The following CADM3 variants were observed in gnomAD, a reference collection of about 807,000 sequenced individuals.
CADM3 encodes TSLC1-like 1.
CADM3 carries 11 observed loss-of-function variants against 44.9 expected under a neutral mutation model. The observed-to-expected ratio is 0.25, with a 90% confidence interval of 0.15 to 0.41. The LOEUF (loss-of-function observed/expected upper bound fraction) is 0.41, where lower values mean the gene tolerates loss of function less well. CADM3 is among the 10% of genes least tolerant of loss of function. CADM3 has a pLI of 1.00. For missense variants in CADM3, 426 were observed against 512.0 expected (o/e 0.83, Z 1.62); for synonymous variants, 207 against 205.2 (o/e 1.01, Z -0.08).
intron 1 of CADM3, among the ~76,000 whole-genome samples, chr1:159,174,395 G>A (rs1648942090): frequency 6.6e-6 from 1 of 152,202 alleles, no homozygotes; most frequent in South Asian, 2.1e-4. Flanking sequence ...CCCCTAGGAA[G>A]AGAACTAGGC....
chr1:159,173,691 C>T (rs1382150232), intron 1 of CADM3, among the ~76,000 whole-genome samples: 2 of 152,152 alleles, frequency 1.3e-5, no homozygotes, highest in Non-Finnish European at 2.9e-5. Context: ...CCCTGGCCTT[C>T]CTAACCTGCT....
At chr1:159,192,225 C>G in intron 2 of CADM3, 149 bp downstream of exon 2, 1 of 841,098 alleles carries the variant, frequency 1.2e-6, no homozygotes, top group Non-Finnish European at 1.8e-6. Context: ...AGTTCCCCAA[C>G]TGGTTCCAGT....
intron 5 of CADM3, chr1:159,196,129 G>A: frequency 2.1e-6 from 1 of 487,752 alleles, no homozygotes; most frequent in Non-Finnish European, 3.7e-6. Context: ...ATCTCTTAGG[G>A]CCCACCAAGG....
rs1648815391 is a variant in CADM3 at position 159,171,811 on chromosome 1, G to C, written c.46G>C (p.Ala16Pro). 1 of 1,247,318 alleles carries C rather than the reference G, an allele frequency of 8.0e-7. No homozygotes were observed. Among genetic ancestry groups the C allele is most frequent in the Non-Finnish European group, 1.0e-6 (1 of 994,660 alleles). The allele number at this position is 1,247,318 out of a possible 1,614,324, so 77.3% of individuals were successfully genotyped here. The change falls in exon 1 of 9, where the codon GCC becomes CCC. Residue 16 changes from alanine (A) to proline (P), a missense_variant. Ala to Pro is a conservative substitution (Grantham distance 27). Around this residue, in one of 2 missense-constraint regions of CADM3, gnomAD observed 64 missense variants for 37.4 expected, o/e 1.71. Transcript: ENST00000368125. ...GCTCCTGCTCCTGCTCCTGCTGTTC[G>C]CCTGCTGCTGGGCGCCCGGCGGGGC... ...ASLLLLLLLFACCWAPGGANL... is the reference protein window; with the variant it reads ...ASLLLLLLLFPCCWAPGGANL...
intron 5 of CADM3, chr1:159,194,500 A>G (rs1157484090): frequency 1.3e-5 from 2 of 154,564 alleles, no homozygotes; most frequent in Non-Finnish European, 2.9e-5. Flanking sequence ...ACCACTTACT[A>G]GCTGTGTGAT....
chr1:159,190,901 A>C (rs965347663), intron 1 of CADM3, among the ~76,000 whole-genome samples: 1 of 152,252 alleles, frequency 6.6e-6, no homozygotes, highest in Non-Finnish European at 1.5e-5. Context: ...TTGTGGATGC[A>C]TTAGAATCAG....
At position 159,186,529 on chromosome 1, in the gene CADM3, G is replaced by T. The variant is rs150559475; in HGVS notation, c.89-5407G>T. ...CCCTTCCAGTCTGCATTCATTGAGA[G>T]AATTCATGCTGATGTCATAAATGAC... is the stretch of plus-strand genomic sequence containing the variant. On this transcript the variant is annotated intron_variant, in intron 1 of 8. Coordinates refer to ENST00000368125, the MANE Select transcript of CADM3 (RefSeq NM_001127173.3). 1.3e-4 allele frequency among the ~76,000 whole-genome samples: 20 copies of T among 152,260 alleles called. No individual in the cohort carries two copies. In the East Asian group the frequency reaches 3.3e-3, roughly 25 times the overall value.
intron 7 of CADM3, among the ~76,000 whole-genome samples, chr1:159,198,633 G>C (rs1218393552): frequency 6.6e-6 from 1 of 152,184 alleles, no homozygotes; most frequent in Non-Finnish European, 1.5e-5. Flanking sequence ...AGGAGTCAAT[G>C]AGGCATTAAG....
At chr1:159,195,275 T>A (rs368973472) in intron 5 of CADM3, 9 of 152,318 alleles carry the variant, frequency 5.9e-5, no homozygotes, top group African/African-American at 1.9e-4. Flanking sequence ...GCTGAGTTAT[T>A]GTGAGGATAA....
chr1:159,194,171 G>T lies in CADM3; in HGVS notation c.691+131G>T. ...ATAGGTAAAAAATGAAACAAAGACT[G>T]CCAGGACTAGGCCAGGGTTGGCAAA... On this transcript the variant is annotated intron_variant, in intron 5 of 8. Coordinates refer to ENST00000368125, the MANE Select transcript of CADM3 (RefSeq NM_001127173.3). The T allele has an allele frequency of 4.0e-6, 4 of 998,358 alleles. No homozygotes were observed. The South Asian group carries it at 7.1e-5, about 18-fold the overall frequency. 61.8% of individuals were successfully genotyped at this position (998,358 alleles called of 1,614,324 possible).
At chr1:159,173,065 G>A (rs900171878) in intron 1 of CADM3, among the ~76,000 whole-genome samples, 2 of 152,064 alleles carry the variant, frequency 1.3e-5, no homozygotes, top group African/African-American at 2.4e-5. Context: ...GAGGGAACAG[G>A]ACCTCTGTGG....
chr1:159,177,723 G>A (rs1649080094), intron 1 of CADM3, among the ~76,000 whole-genome samples: 1 of 152,150 alleles, frequency 6.6e-6, no homozygotes, highest in South Asian at 2.1e-4. Context: ...GGGAACAGAA[G>A]GGCAAGCAAT....
In CADM3 at chr1:159,201,199, A is replaced by C. The variant is rs1402833999; in HGVS notation, c.*277A>C. The C allele has an allele frequency of 9.9e-6, 2 of 201,076 alleles. No individual in the cohort carries two copies. Among genetic ancestry groups the C allele is most frequent in the Non-Finnish European group, 2.0e-5 (2 of 99,426 alleles). The allele number at this position is 201,076 out of a possible 1,614,324, so 12.5% of individuals were successfully genotyped here. A position where few individuals can be genotyped will look rare whatever the true frequency, so the allele number is the denominator to read the frequency against. On this transcript the variant is annotated 3_prime_UTR_variant, in exon 9 of 9. Transcript: ENST00000368125. ...TTATTTTTGTAACAATCCCAAATCAAATCTGTCTCCAGGCTGGAGAGGCAG... is the reference window on the plus strand; with the variant it reads ...TTATTTTTGTAACAATCCCAAATCACATCTGTCTCCAGGCTGGAGAGGCAG...
rs777578740 is a variant in CADM3, at chr1:159,194,026, G to A, written c.677G>A (p.Arg226His). Reference sequence around the variant, plus strand: ...GGAGCTGACAGATCCACCTCTCAACGCATTGAAGTTTTATGTATGTCATGG... The same window carrying A: ...GGAGCTGACAGATCCACCTCTCAACACATTGAAGTTTTATGTATGTCATGG... ...LKGADRSTSQ[R>H]IEVLYTPTAM... The change falls in exon 5 of 9, where the codon CGC (arginine) becomes CAC (histidine). Residue 226 changes from arginine to histidine, a missense_variant. Transcript: ENST00000368125. The A allele has an allele frequency of 4.3e-6, 7 of 1,613,188 alleles. No homozygotes were observed. The highest frequency in any genetic ancestry group is 2.2e-5 in the South Asian group (2 of 90,984).
chr1:159,181,240 G>A (rs148010381), intron 1 of CADM3, among the ~76,000 whole-genome samples: 1 of 152,262 alleles, frequency 6.6e-6, no homozygotes, highest in East Asian at 1.9e-4. Context: ...TAAATTGGGG[G>A]AAAGGGTATA....
chr1:159,190,779 C>T (rs1308263349), intron 1 of CADM3, among the ~76,000 whole-genome samples: 1 of 152,158 alleles, frequency 6.6e-6, no homozygotes, highest in East Asian at 1.9e-4. Flanking sequence ...CCAAAGGGAG[C>T]ATGGAATTGT....
chr1:159,188,041 C>T (rs1649488651), intron 1 of CADM3, among the ~76,000 whole-genome samples: 1 of 152,046 alleles, frequency 6.6e-6, no homozygotes, highest in Non-Finnish European at 1.5e-5. Context: ...CCGCTTTACT[C>T]CTTCTCAGCA....
At chr1:159,173,023 AGAG>A (rs1183263560) in intron 1 of CADM3, among the ~76,000 whole-genome samples, 1 of 152,020 alleles carries the variant, frequency 6.6e-6, no homozygotes, top group African/African-American at 2.4e-5. Flanking sequence ...CCCTGTCGGA[AGAG>A]GAGGAGGGCT....
chr1:159,181,654 C>T (rs543058712), intron 1 of CADM3, among the ~76,000 whole-genome samples: 3 of 152,294 alleles, frequency 2.0e-5, no homozygotes, highest in South Asian at 2.1e-4. Flanking sequence ...ATCAAATCCC[C>T]TCCCTTTTTG....
Sources: gnomAD v4.1 joint callset for allele counts (sites outside exome capture counted in the v4.1 genomes callset) on GRCh38, gnomAD v4.1.1 for gene constraint, gnomAD v4.1.1 regional missense constraint, MANE v1.5 for transcripts, NCBI Gene and HGNC (gene_info 2026-07-23, HGNC 2026-07-21) for gene names.